PGCKA1: variants seen among roughly 807,000 people sequenced by gnomAD.
PGCKA1 encodes the protein PDCD10 and GCKIII kinases associated 1, also known as PDCD10 and GCKIII kinases-associated protein 1.
At chr4:37,572,289 A>G in the PGCKA1 span, among the ~76,000 whole-genome samples, 2 of 148,798 alleles carry the variant, frequency 1.3e-5, no homozygotes, top group African/African-American at 5.0e-5. Context: ...GATGGTCTCG[A>G]TCTCCTGACC....
the PGCKA1 span, among the ~76,000 whole-genome samples, chr4:37,493,536 A>AT: frequency 2.0e-5 from 3 of 152,246 alleles, no homozygotes; most frequent in Non-Finnish European, 4.4e-5. Context: ...AGCAGATATC[A>AT]TGGCATGAAT....
At chr4:37,564,625 G>T in the PGCKA1 span, among the ~76,000 whole-genome samples, 23 of 152,096 alleles carry the variant, frequency 1.5e-4, no homozygotes, top group South Asian at 3.1e-3. Context: ...TCCTGCCTCA[G>T]CCTCCCAAGT....
chr4:37,540,728 C>T, the PGCKA1 span, among the ~76,000 whole-genome samples: 1 of 151,442 alleles, frequency 6.6e-6, no homozygotes, highest in Non-Finnish European at 1.5e-5. Context: ...AAAGCTTGTT[C>T]AGAAAAAGGA....
the PGCKA1 span, among the ~76,000 whole-genome samples, chr4:37,541,305 TA>T: frequency 6.6e-6 from 1 of 152,204 alleles, no homozygotes; most frequent in Non-Finnish European, 1.5e-5. Flanking sequence ...GGAGGACTTA[TA>T]GAACGATATA....
At chr4:37,569,810 C>A in the PGCKA1 span, among the ~76,000 whole-genome samples, 1 of 152,074 alleles carries the variant, frequency 6.6e-6, no homozygotes, top group Admixed American at 6.5e-5. Flanking sequence ...CCTGTTTTGA[C>A]CAGGGAGCCT....
At chr4:37,575,558 C>A in the PGCKA1 span, among the ~76,000 whole-genome samples, 1 of 151,984 alleles carries the variant, frequency 6.6e-6, no homozygotes, top group Non-Finnish European at 1.5e-5. Flanking sequence ...GTTGTCTCTT[C>A]ACTCCGTTGA....
At chr4:37,559,623 G>C in the PGCKA1 span, among the ~76,000 whole-genome samples, 5 of 151,950 alleles carry the variant, frequency 3.3e-5, no homozygotes, top group Admixed American at 3.3e-4. Flanking sequence ...AATAAATTCA[G>C]TTTCTCAGGC....
the PGCKA1 span, among the ~76,000 whole-genome samples, chr4:37,457,495 T>C: frequency 1.3e-5 from 2 of 152,252 alleles, no homozygotes; most frequent in Admixed American, 1.3e-4. Context: ...TTTGGATGTA[T>C]TTTAAATTTA....
the PGCKA1 span, among the ~76,000 whole-genome samples, chr4:37,575,436 T>C: frequency 1.3e-5 from 2 of 152,086 alleles, no homozygotes; most frequent in African/African-American, 4.8e-5. Flanking sequence ...CCATTTTTAA[T>C]TGGATTCTTA....
the PGCKA1 span, among the ~76,000 whole-genome samples, chr4:37,484,140 G>A: frequency 1.3e-5 from 2 of 152,116 alleles, no homozygotes; most frequent in Non-Finnish European, 2.9e-5. Context: ...ACAAGATGAT[G>A]GTATTGGGAG....
At chr4:37,478,740 C>G in the PGCKA1 span, among the ~76,000 whole-genome samples, 97,015 of 152,048 alleles carry the variant, frequency 0.64, 32,154 homozygotes, top group Non-Finnish European at 0.73. Context: ...CAAATAACTA[C>G]AAGCAATCTC....
At chr4:37,581,233 A>C in the PGCKA1 span, among the ~76,000 whole-genome samples, 13 of 152,102 alleles carry the variant, frequency 8.5e-5, no homozygotes, top group Non-Finnish European at 1.8e-4. The surrounding 1 kb of genome is among the most constrained non-coding windows in gnomAD (Gnocchi z 4.4). Flanking sequence ...GCTCTACCCC[A>C]CTGTGGCTGA....
the PGCKA1 span, among the ~76,000 whole-genome samples, chr4:37,527,631 A>G: frequency 2.0e-5 from 3 of 151,274 alleles, no homozygotes; most frequent in African/African-American, 7.3e-5. Context: ...CATCCTGGCT[A>G]ACACAGTGAA....
chr4:37,526,784 C>T, the PGCKA1 span, among the ~76,000 whole-genome samples: 3 of 152,148 alleles, frequency 2.0e-5, no homozygotes, highest in Admixed American at 2.0e-4. Context: ...TGACAATGAT[C>T]ATAAATGTCT....
chr4:37,528,563 A>G, the PGCKA1 span, among the ~76,000 whole-genome samples: 1 of 152,220 alleles, frequency 6.6e-6, no homozygotes, highest in African/African-American at 2.4e-5. Flanking sequence ...TCTGATGAGG[A>G]CAAACGCCTG....
the PGCKA1 span, among the ~76,000 whole-genome samples, chr4:37,542,160 A>G: frequency 6.6e-6 from 1 of 152,128 alleles, no homozygotes; most frequent in African/African-American, 2.4e-5. Context: ...CAGAACACAC[A>G]TTCAGGTGCA....
chr4:37,572,816 G>T, the PGCKA1 span, among the ~76,000 whole-genome samples: 10 of 152,118 alleles, frequency 6.6e-5, no homozygotes, highest in African/African-American at 2.2e-4. Flanking sequence ...TTTCACTGTG[G>T]CCTGTCACAT....
chr4:37,474,907 A>G, the PGCKA1 span, among the ~76,000 whole-genome samples: 5 of 152,234 alleles, frequency 3.3e-5, no homozygotes, highest in South Asian at 4.1e-4. Flanking sequence ...AGTGGCATGT[A>G]TGCAAAAACT....
chr4:37,478,272 G>A, the PGCKA1 span, among the ~76,000 whole-genome samples: 97,171 of 150,652 alleles, frequency 0.65, 32,114 homozygotes, highest in Non-Finnish European at 0.73. Context: ...TATTTATCTA[G>A]TTCCAATTTC....
Sources: allele counts gnomAD v4.1 joint callset (sites outside exome capture counted in the v4.1 genomes callset), GRCh38; gene constraint gnomAD v4.1.1; non-coding constraint Gnocchi (gnomAD v3.1); transcripts MANE v1.5; gene names NCBI Gene and HGNC (gene_info 2026-07-23, HGNC 2026-07-21).